Variants in SEMA3A observed in about 807,000 individuals in gnomAD.
The protein encoded by SEMA3A is semaphorin 3A.
Under a neutral mutation model 97.9 loss-of-function variants are expected in SEMA3A, and 29 were observed. The ratio of observed to expected loss-of-function variants is 0.30; its 90% confidence interval spans 0.22 to 0.40. The LOEUF is 0.40. SEMA3A is among the 10% of genes least tolerant of loss of function. The probability of loss-of-function intolerance (pLI) is 1.00; values close to 1 mark genes in which losing one functional copy is unlikely to be tolerated. For missense variants in SEMA3A, 763 were observed against 951.3 expected (o/e 0.80, Z 2.60); for synonymous variants, 321 against 323.7 (o/e 0.99, Z 0.09).
Position 84,002,050 on chromosome 7 carries a change from T to TGAAA in SEMA3A, c.1361-8_1361-5dup. The TGAAA allele has an allele frequency of 6.4e-7, 1 of 1,573,394 alleles. No individual in the cohort carries two copies. Among genetic ancestry groups the TGAAA allele is most frequent in the Non-Finnish European group, 8.7e-7 (1 of 1,145,444 alleles). On this transcript the variant is annotated splice_polypyrimidine_tract_variant and splice_region_variant and intron_variant, in intron 11 of 16. Coordinates refer to ENST00000265362, the MANE Select transcript of SEMA3A (RefSeq NM_006080.3). ...ACTTTAAGAACGGTCCCAACATCTT[T>TGAAA]GAAAGAAAGTGGGGAGAAGACCACA...
chr7:84,172,280 A>G (rs1303837738), intron 1 of SEMA3A, among the ~76,000 whole-genome samples: 4 of 152,162 alleles, frequency 2.6e-5, no homozygotes, highest in Non-Finnish European at 5.9e-5. Flanking sequence ...TTGTGTACAT[A>G]TATATAACAA....
intron 15 of SEMA3A, among the ~76,000 whole-genome samples, chr7:83,968,542 A>G (rs149327744): frequency 1.1e-4 from 17 of 152,172 alleles, no homozygotes; most frequent in Admixed American, 2.0e-4. Context: ...TTCCATCTAC[A>G]TTGACTGAAA....
In SEMA3A at chr7:84,209,819, T is replaced by C. The variant is rs1472939640; in HGVS notation, c.-82-15151A>G. 3.3e-5 allele frequency among the ~76,000 whole-genome samples: 5 copies of C among 152,196 alleles called. No individual in the cohort carries two copies. The East Asian group carries it at 9.6e-4, about 29-fold the overall frequency. On this transcript the variant is annotated intron_variant, in intron 3 of 3. Transcript: ENST00000424555. ...TAAATAAAAATATTTGTAATATACT[T>C]CCTACACTAGACTCTGAAGTAACAA... is the stretch of plus-strand genomic sequence containing the variant.
intron 2 of SEMA3A, among the ~76,000 whole-genome samples, chr7:84,357,382 G>C (rs975399251): frequency 6.6e-6 from 1 of 151,206 alleles, no homozygotes; most frequent in South Asian, 2.1e-4. Flanking sequence ...GAGAACATGC[G>C]GTGTTTGGTT....
intron 5 of SEMA3A, among the ~76,000 whole-genome samples, chr7:84,050,579 G>C (rs1300658182): frequency 6.6e-6 from 1 of 151,938 alleles, no homozygotes; most frequent in Non-Finnish European, 1.5e-5. Context: ...TTGTAAATTT[G>C]TTTGAGTTCA....
intron 1 of SEMA3A, among the ~76,000 whole-genome samples, chr7:84,442,748 A>T (rs2116343841): frequency 6.6e-6 from 1 of 152,246 alleles, no homozygotes; most frequent in African/African-American, 2.4e-5. Context: ...GGATCCAAAG[A>T]TTAAAATGGG....
chr7:84,430,819 G>GTGTGTA (rs149621698), intron 1 of SEMA3A, among the ~76,000 whole-genome samples: 1,649 of 148,432 alleles, frequency 0.011, 17 homozygotes, highest in Middle Eastern at 0.021. Context: ...GTGTGTGTGT[G>GTGTGTA]TGTATTTAGA....
intron 1 of SEMA3A, among the ~76,000 whole-genome samples, chr7:84,400,833 C>T (rs557307166): frequency 1.3e-5 from 2 of 152,200 alleles, no homozygotes; most frequent in East Asian, 1.9e-4. Context: ...CCTTTCATGA[C>T]CAAAGCTCTC....
At chr7:84,101,971 AAAAT>A (rs1202138819) in intron 4 of SEMA3A, among the ~76,000 whole-genome samples, 1 of 150,420 alleles carries the variant, frequency 6.6e-6, no homozygotes, top group Non-Finnish European at 1.5e-5. Context: ...ATATTTAGTT[AAAAT>A]AAATATATTA....
chr7:84,354,751 C>G (rs1802516320), intron 2 of SEMA3A, among the ~76,000 whole-genome samples: 2 of 151,460 alleles, frequency 1.3e-5, no homozygotes, highest in Non-Finnish European at 3.0e-5. Context: ...ATGTGAATTA[C>G]AAATGTCATA....
intron 1 of SEMA3A, among the ~76,000 whole-genome samples, chr7:84,445,133 T>C (rs1805376662): frequency 6.6e-6 from 1 of 152,144 alleles, no homozygotes; most frequent in South Asian, 2.1e-4. Flanking sequence ...CTAAATAATA[T>C]GCATTTTCCA....
chr7:84,325,182 A>G (rs1312207053), intron 2 of SEMA3A, among the ~76,000 whole-genome samples: 4 of 151,960 alleles, frequency 2.6e-5, no homozygotes. Context: ...ACAATTATTT[A>G]GTTGGGTCAA....
chr7:84,017,946 A>T (rs1791170407), intron 6 of SEMA3A, among the ~76,000 whole-genome samples: 1 of 152,162 alleles, frequency 6.6e-6, no homozygotes, highest in African/African-American at 2.4e-5. Context: ...CATTTAAGCA[A>T]GGGTTTAAAA....
intron 13 of SEMA3A, among the ~76,000 whole-genome samples, chr7:83,984,256 C>G (rs534864783): frequency 6.6e-6 from 1 of 152,076 alleles, no homozygotes; most frequent in Non-Finnish European, 1.5e-5. Context: ...CTGGAAATCC[C>G]CAGATTTCTT....
At chr7:84,475,954 T>C (rs1309218455) in intron 1 of SEMA3A, among the ~76,000 whole-genome samples, 1 of 152,180 alleles carries the variant, frequency 6.6e-6, no homozygotes, top group East Asian at 1.9e-4. Flanking sequence ...AACATACAAA[T>C]AAAGCCAGTT....
In SEMA3A at chr7:84,085,394, T is replaced by C. The variant is rs555686473; in HGVS notation, c.454-24836A>G. ...ACTGACCATAAAATCGTAGACACTATTCTGGGAGAAAAAAAAAAGTAAACT... is the reference window on the plus strand; with the variant it reads ...ACTGACCATAAAATCGTAGACACTACTCTGGGAGAAAAAAAAAAGTAAACT... On this transcript the variant is annotated intron_variant, in intron 4 of 16. Coordinates refer to ENST00000265362, the MANE Select transcript of SEMA3A (RefSeq NM_006080.3). Among the ~76,000 whole-genome samples the C allele has an allele frequency of 2.0e-5, 3 of 151,802 alleles. No individual in the cohort carries two copies. In the East Asian group the frequency reaches 5.8e-4, roughly 29 times the overall value.
intron 15 of SEMA3A, among the ~76,000 whole-genome samples, chr7:83,972,537 CT>C (rs1788961178): frequency 6.6e-6 from 1 of 151,964 alleles, no homozygotes; most frequent in South Asian, 2.1e-4. Context: ...GAAACATGGA[CT>C]TTAATGTTTC....
chr7:84,411,820 C>T (rs1306886584), intron 1 of SEMA3A, among the ~76,000 whole-genome samples: 3 of 151,938 alleles, frequency 2.0e-5, no homozygotes, highest in Non-Finnish European at 1.5e-5. Flanking sequence ...AAGAAGAGGT[C>T]ATGGACCACC....
intron 3 of SEMA3A, among the ~76,000 whole-genome samples, chr7:84,124,074 A>G (rs1258974507): frequency 1.3e-5 from 2 of 152,164 alleles, no homozygotes; most frequent in African/African-American, 4.8e-5. Flanking sequence ...ATGTAGGTTC[A>G]ATCCAGTGGC....
Sources: allele counts gnomAD v4.1 joint callset (sites outside exome capture counted in the v4.1 genomes callset), GRCh38; gene constraint gnomAD v4.1.1; transcripts MANE v1.5; gene names NCBI Gene and HGNC (gene_info 2026-07-23, HGNC 2026-07-21).